The following TMEM50A variants were observed in gnomAD, a reference collection of about 807,000 sequenced individuals.
TMEM50A encodes the protein cervical cancer oncogene 9.
In TMEM50A, 8 loss-of-function variants were observed where a neutral mutation model predicts 23.9. The observed-to-expected ratio is 0.33, with a 90% confidence interval of 0.20 to 0.60. The LOEUF is 0.60. TMEM50A is among the 20% of genes least tolerant of loss of function. The pLI is 0.81. For missense variants in TMEM50A, 178 were observed against 192.7 expected (o/e 0.92, Z 0.45); for synonymous variants, 55 against 60.4 (o/e 0.91, Z 0.41).
chr1:25,351,317 G>A (rs1359670476), intron 3 of TMEM50A, among the ~76,000 whole-genome samples: 2 of 152,152 alleles, frequency 1.3e-5, no homozygotes, highest in Non-Finnish European at 2.9e-5. Context: ...AGACCAGCCT[G>A]AGCAACATAG....
intron 5 of TMEM50A, among the ~76,000 whole-genome samples, chr1:25,354,749 G>A (rs1284014291): frequency 6.6e-6 from 1 of 151,970 alleles, no homozygotes; most frequent in Admixed American, 6.6e-5. Flanking sequence ...CATTTCACAT[G>A]ATATTATAAG....
rs1053438 is a variant in TMEM50A, at chr1:25,361,410, T to C, written c.*705T>C. On this transcript the variant is annotated 3_prime_UTR_variant, in exon 7 of 7. Coordinates refer to ENST00000374358, the MANE Select transcript of TMEM50A (RefSeq NM_014313.4). Reference sequence around the variant, plus strand: ...ATGCACAGTCACTCCACATCCACCATTGAAGGAAAGGAAAAAAGGGCAGAG... The same window carrying C: ...ATGCACAGTCACTCCACATCCACCACTGAAGGAAAGGAAAAAAGGGCAGAG... The C allele has an allele frequency of 0.39, 59,975 of 152,028 alleles. 13,665 individuals are homozygous for C. The highest frequency in any genetic ancestry group is 0.71 in the East Asian group (3,690 of 5,162). 9.4% of individuals were successfully genotyped at this position (152,028 alleles called of 1,614,324 possible).
At chr1:25,348,747 C>G (rs1479372646) in intron 3 of TMEM50A, among the ~76,000 whole-genome samples, 1 of 151,674 alleles carries the variant, frequency 6.6e-6, no homozygotes, top group Non-Finnish European at 1.5e-5. Context: ...TCTCACCAAA[C>G]TATAACATTT....
chr1:25,344,919 A>T (rs528495344), intron 3 of TMEM50A, among the ~76,000 whole-genome samples: 6 of 150,456 alleles, frequency 4.0e-5, no homozygotes, highest in Admixed American at 3.3e-4. Flanking sequence ...TCACATCTTT[A>T]TTTTTTTCCC....
chr1:25,351,562 G>C (rs1260602194), intron 3 of TMEM50A, 64 bp from the exon 4 acceptor site: 5 of 1,383,172 alleles, frequency 3.6e-6, no homozygotes, highest in Non-Finnish European at 5.0e-6. Context: ...AGAAACTGTA[G>C]ATTATTGTTT....
At chr1:25,350,090 A>G (rs1476496642) in intron 3 of TMEM50A, among the ~76,000 whole-genome samples, 1 of 152,210 alleles carries the variant, frequency 6.6e-6, no homozygotes, top group Non-Finnish European at 1.5e-5. Flanking sequence ...AAAAAACAAG[A>G]TTTTACCACT....
chr1:25,351,820 A>G (rs1645278147), intron 4 of TMEM50A, 127 bp downstream of exon 4: 2 of 803,104 alleles, frequency 2.5e-6, no homozygotes, highest in Non-Finnish European at 1.9e-6. Context: ...TTTTGAATCT[A>G]TTGTTTTATG....
rs1156309652 is a variant in TMEM50A at position 25,344,752 on chromosome 1, AATGT to A, written c.206+1682_206+1685del. 4.0e-5 allele frequency among the ~76,000 whole-genome samples: 6 copies of A among 150,938 alleles called. 1 individual carries two copies. The highest frequency in any genetic ancestry group is 4.0e-4 in the Admixed American group (6 of 15,170). On this transcript the variant is annotated intron_variant, in intron 3 of 6. Coordinates refer to ENST00000374358, the MANE Select transcript of TMEM50A (RefSeq NM_014313.4). ...TTTTTTGGTGGTTGTTGGTAGAAAG[AATGT>A]ATATTTTCTTTAGGATTCATTTTAT...
Position 25,361,649 on chromosome 1 carries a change from G to A in TMEM50A, c.*944G>A, listed in dbSNP as rs1226336838. 6.6e-6 allele frequency: 1 copy of A among 152,014 alleles called. No homozygotes were observed. The highest frequency in any genetic ancestry group is 1.5e-5 in the Non-Finnish European group (1 of 68,140). The allele number at this position is 152,014 out of a possible 1,614,324, so 9.4% of individuals were successfully genotyped here. A position where few individuals can be genotyped will look rare whatever the true frequency, so the allele number is the denominator to read the frequency against. On this transcript the variant is annotated 3_prime_UTR_variant, in exon 7 of 7. Transcript: ENST00000374358. ...CCAGGCTCCCCACCTCTGCAAGATG[G>A]GATACACTCTTCAGGACCACAGTTT...
chr1:25,339,846 A>T (rs1446084121), intron 1 of TMEM50A, among the ~76,000 whole-genome samples: 3 of 152,232 alleles, frequency 2.0e-5, no homozygotes, highest in Non-Finnish European at 4.4e-5. Flanking sequence ...GATTTTCAGG[A>T]GGAGGTCAAC....
At chr1:25,356,721 G>A in intron 5 of TMEM50A, 72 bp from the exon 6 acceptor site, 1 of 1,134,002 alleles carries the variant, frequency 8.8e-7, no homozygotes, top group South Asian at 1.4e-5. Context: ...AGGAAAACTG[G>A]TATTTGCCAA....
Position 25,360,727 on chromosome 1 carries a change from AC to A in TMEM50A, c.*23del. The A allele has an allele frequency of 6.2e-7, 1 of 1,613,892 alleles. No individual in the cohort carries two copies. The highest frequency in any genetic ancestry group is 8.5e-7 in the Non-Finnish European group (1 of 1,179,852). ...GTGAACACATCTGATTTCCCACAGCACAACAGCCCTGCATGGGTTTGTTTGT... is the reference window on the plus strand; with the variant it reads ...GTGAACACATCTGATTTCCCACAGCAAACAGCCCTGCATGGGTTTGTTTGT... On this transcript the variant is annotated 3_prime_UTR_variant, in exon 7 of 7. Coordinates refer to ENST00000374358, the MANE Select transcript of TMEM50A (RefSeq NM_014313.4).
At chr1:25,350,946 G>A (rs1178828233) in intron 3 of TMEM50A, among the ~76,000 whole-genome samples, 1 of 151,672 alleles carries the variant, frequency 6.6e-6, no homozygotes, top group African/African-American at 2.4e-5. Flanking sequence ...CGGATCACAA[G>A]GTCAGGAGTT....
chr1:25,344,874 G>A (rs1032948634), intron 3 of TMEM50A, among the ~76,000 whole-genome samples: 2 of 151,738 alleles, frequency 1.3e-5, no homozygotes, highest in Non-Finnish European at 2.9e-5. Context: ...GTTTCTAGCT[G>A]CCTTTTCTTT....
At chr1:25,355,959 C>T (rs3093630) in intron 5 of TMEM50A, among the ~76,000 whole-genome samples, 1,540 of 152,284 alleles carry the variant, frequency 0.01, 28 homozygotes, top group African/African-American at 0.034. Flanking sequence ...AATCTATCTG[C>T]AGATCATGTT....
chr1:25,351,760 A>C, intron 4 of TMEM50A, 67 bp downstream of exon 4: 1 of 1,327,624 alleles, frequency 7.5e-7, no homozygotes, highest in Non-Finnish European at 1.1e-6. Context: ...TTCACATGGA[A>C]ATACCACTTT....
chr1:25,348,690 A>AT (rs1645246195), intron 3 of TMEM50A, among the ~76,000 whole-genome samples: 1 of 151,822 alleles, frequency 6.6e-6, no homozygotes, highest in Admixed American at 6.6e-5. Context: ...TCTCAAAAAA[A>AT]AAAAAAAGTA....
At chr1:25,341,735 C>T (rs1262018123) in intron 2 of TMEM50A, among the ~76,000 whole-genome samples, 1 of 152,112 alleles carries the variant, frequency 6.6e-6, no homozygotes, top group Non-Finnish European at 1.5e-5. Context: ...CACTCTGTCT[C>T]CCAGGCTGGA....
rs1187265444 is a variant in TMEM50A at position 25,361,832 on chromosome 1, T to G, written c.*1127T>G. On this transcript the variant is annotated 3_prime_UTR_variant, in exon 7 of 7. Transcript: ENST00000374358. ...CAAGACTCTCCTCAAAGAAATGACT[T>G]GCTGTCATCCCACATGAACTCCTGA... 6.4e-6 allele frequency: 1 copy of G among 155,688 alleles called. No homozygotes were observed. 9.6% of individuals were successfully genotyped at this position (155,688 alleles called of 1,614,324 possible).
Sources: allele counts gnomAD v4.1 joint callset (sites outside exome capture counted in the v4.1 genomes callset), GRCh38; gene constraint gnomAD v4.1.1; transcripts MANE v1.5; gene names NCBI Gene and HGNC (gene_info 2026-07-23, HGNC 2026-07-21).